The following PID1 variants were observed in gnomAD, a reference collection of about 807,000 sequenced individuals.
PID1 encodes PTB-containing, cubilin and LRP1-interacting protein.
A neutral mutation model predicts 19.1 loss-of-function variants in PID1; 10 were observed. That is an observed-to-expected ratio of 0.52 (90% CI 0.32 to 0.89). PID1 has a LOEUF of 0.89. Among genes scored for constraint, PID1 ranks in the 40% least tolerant of loss-of-function variants. The probability of loss-of-function intolerance (pLI) is 0.03; values close to 1 mark genes in which losing one functional copy is unlikely to be tolerated. For synonymous variants in PID1, 130 were observed against 116.0 expected (o/e 1.12, Z -0.78); for missense variants, 248 against 285.3 (o/e 0.87, Z 0.94).
At chr2:229,117,389 A>G (rs577520740) in intron 2 of PID1, among the ~76,000 whole-genome samples, 1 of 152,260 alleles carries the variant, frequency 6.6e-6, no homozygotes, top group African/African-American at 2.4e-5. Flanking sequence ...GATAAGATGT[A>G]CCATGCTTGT....
Position 229,218,293 on chromosome 2 carries a change from CAAAAAAAA to C in PID1, c.30+52713_30+52720del, listed in dbSNP as rs67801043. Among the ~76,000 whole-genome samples, 195 of 67,622 alleles carry C rather than the reference CAAAAAAAA, an allele frequency of 2.9e-3. 1 individual carries two copies. Among genetic ancestry groups the C allele is most frequent in the African/African-American group, 0.011 (180 of 16,992 alleles). 44.4% of individuals were successfully genotyped at this position (67,622 alleles called of 152,430 possible). A position where few individuals can be genotyped will look rare whatever the true frequency, so the allele number is the denominator to read the frequency against. ...CTTCTCTACAATTTTGTTTCCTGAG[CAAAAAAAA>C]AAAAAAAAAAAAAAAGCATGACAAC... On this transcript the variant is annotated intron_variant, in intron 1 of 2. Coordinates refer to ENST00000392055, the MANE Select transcript of PID1 (RefSeq NM_001100818.2).
At chr2:229,049,815 T>C (rs1383194141) in intron 2 of PID1, among the ~76,000 whole-genome samples, 1 of 152,154 alleles carries the variant, frequency 6.6e-6, no homozygotes, top group Admixed American at 6.6e-5. Context: ...CACATAACTC[T>C]GGAAAAAATG....
rs1695462150 is a variant in PID1, at chr2:229,118,860, C to A, written c.177+36958G>T. On this transcript the variant is annotated intron_variant, in intron 2 of 2. Coordinates refer to ENST00000392055, the MANE Select transcript of PID1 (RefSeq NM_001100818.2). ...AAACAAAACAAAACAAAACAAAAAACTAAGATCTTGACCAGTATAACTACG... is the reference window on the plus strand; with the variant it reads ...AAACAAAACAAAACAAAACAAAAAAATAAGATCTTGACCAGTATAACTACG... Among the ~76,000 whole-genome samples, 4 of 152,226 alleles carry A rather than the reference C, an allele frequency of 2.6e-5. No individual in the cohort carries two copies. In the South Asian group the frequency reaches 8.3e-4, roughly 32 times the overall value.
chr2:229,247,011 A>G (rs1446200472), intron 1 of PID1, among the ~76,000 whole-genome samples: 4 of 152,210 alleles, frequency 2.6e-5, no homozygotes, highest in Non-Finnish European at 1.5e-5. Context: ...TCACAATAAG[A>G]AAAATTCTAC....
At chr2:229,061,037 A>T (rs1694202745) in intron 2 of PID1, among the ~76,000 whole-genome samples, 1 of 152,070 alleles carries the variant, frequency 6.6e-6, no homozygotes, top group African/African-American at 2.4e-5. Flanking sequence ...ATGGTTTGCA[A>T]ATATTTTCTC....
intron 1 of PID1, among the ~76,000 whole-genome samples, chr2:229,201,182 G>A (rs189251513): frequency 5.9e-5 from 9 of 152,072 alleles, no homozygotes; most frequent in African/African-American, 2.2e-4. Flanking sequence ...GTGGTATTAA[G>A]TACATTCAAA....
chr2:229,239,049 GT>G (rs1272231216), intron 1 of PID1, among the ~76,000 whole-genome samples: 3 of 151,594 alleles, frequency 2.0e-5, no homozygotes, highest in Admixed American at 2.0e-4. Context: ...CTTTACCTTT[GT>G]TGTCAAATAA....
At chr2:229,045,165 G>A (rs1228813505) in intron 2 of PID1, among the ~76,000 whole-genome samples, 2 of 152,098 alleles carry the variant, frequency 1.3e-5, no homozygotes, top group Non-Finnish European at 2.9e-5. Context: ...TGTTGGCCAG[G>A]CTAGTGTCCA....
intron 1 of PID1, among the ~76,000 whole-genome samples, chr2:229,247,160 T>C (rs137886715): frequency 2.3e-4 from 35 of 152,292 alleles, no homozygotes; most frequent in African/African-American, 7.0e-4. Context: ...CGGTGTATCA[T>C]TGAGGATTAG....
At chr2:229,176,835 A>T (rs1171525984) in intron 1 of PID1, among the ~76,000 whole-genome samples, 4 of 152,204 alleles carry the variant, frequency 2.6e-5, no homozygotes, top group Admixed American at 6.5e-5. Flanking sequence ...CCACAACAGC[A>T]AGGGTTGCCT....
chr2:229,066,648 G>A lies in PID1; in HGVS notation c.178-40540C>T, dbSNP rs1574600670. 2.0e-5 allele frequency among the ~76,000 whole-genome samples: 3 copies of A among 152,010 alleles called. No homozygotes were observed. The South Asian group carries it at 6.2e-4, about 32-fold the overall frequency. On this transcript the variant is annotated intron_variant, in intron 2 of 2. Coordinates refer to ENST00000392055, the MANE Select transcript of PID1 (RefSeq NM_001100818.2). ...AAAATACTCAGAATTTTCCACCCCT[G>A]ATCCTCTGGTCCCTCAGAGACAGAT...
intron 1 of PID1, among the ~76,000 whole-genome samples, chr2:229,193,442 C>A (rs1400564540): frequency 6.6e-6 from 1 of 152,162 alleles, no homozygotes; most frequent in Admixed American, 6.5e-5. Context: ...TCTGCCACAT[C>A]CTGTTAGTCG....
intron 1 of PID1, among the ~76,000 whole-genome samples, chr2:229,205,565 C>T (rs1309753643): frequency 6.6e-6 from 1 of 152,106 alleles, no homozygotes; most frequent in Non-Finnish European, 1.5e-5. Flanking sequence ...TACACACACA[C>T]ACACAAAACC....
intron 2 of PID1, among the ~76,000 whole-genome samples, chr2:229,135,984 C>T (rs1454511229): frequency 6.6e-6 from 1 of 152,118 alleles, no homozygotes; most frequent in Admixed American, 6.5e-5. Flanking sequence ...TTACTCTTGC[C>T]TTGAGTATAA....
At chr2:229,046,191 C>T (rs1466858704) in intron 2 of PID1, among the ~76,000 whole-genome samples, 1 of 152,080 alleles carries the variant, frequency 6.6e-6, no homozygotes, top group African/African-American at 2.4e-5. Context: ...AAAAAATAAA[C>T]AAGATGAAAG....
chr2:229,144,449 G>C (rs997267378), intron 2 of PID1, among the ~76,000 whole-genome samples: 1 of 152,054 alleles, frequency 6.6e-6, no homozygotes, highest in Non-Finnish European at 1.5e-5. Flanking sequence ...AGCATTTGTG[G>C]AAAATTAAGT....
At chr2:229,239,151 G>A (rs751673334) in intron 1 of PID1, among the ~76,000 whole-genome samples, 6 of 152,124 alleles carry the variant, frequency 3.9e-5, no homozygotes, top group Non-Finnish European at 8.8e-5. Context: ...CTCTGGGAAA[G>A]CTTGTTAAAG....
intron 2 of PID1, among the ~76,000 whole-genome samples, chr2:229,040,845 T>A (rs1286443127): frequency 6.6e-6 from 1 of 152,210 alleles, no homozygotes; most frequent in Admixed American, 6.5e-5. Flanking sequence ...ACTTCATGTG[T>A]ATTAAAGAAA....
intron 2 of PID1, among the ~76,000 whole-genome samples, chr2:229,039,715 C>T (rs1037448767): frequency 2.0e-5 from 3 of 152,140 alleles, no homozygotes; most frequent in East Asian, 1.9e-4. Context: ...CCTCTCTCAC[C>T]GGACATACTA....
Sources: allele counts gnomAD v4.1 joint callset (sites outside exome capture counted in the v4.1 genomes callset), GRCh38; gene constraint gnomAD v4.1.1; transcripts MANE v1.5; gene names NCBI Gene and HGNC (gene_info 2026-07-23, HGNC 2026-07-21).